Variants in SLC12A8 observed in about 807,000 individuals in gnomAD.
The protein encoded by SLC12A8 is solute carrier family 12 member 8, also known as cation-chloride cotransporter 9.
SLC12A8 carries 69 observed loss-of-function variants against 75.6 expected under a neutral mutation model. The observed-to-expected ratio is 0.91, with a 90% CI of 0.75 to 1.11. SLC12A8 has a LOEUF of 1.11. Ranked by LOEUF, SLC12A8 falls within the 50% of genes most tolerant of loss-of-function variation. SLC12A8 has a pLI of 0.00. For synonymous variants in SLC12A8, 365 were observed against 372.8 expected (o/e 0.98, Z 0.24); for missense variants, 877 against 896.7 (o/e 0.98, Z 0.28).
At position 125,097,739 on chromosome 3, in the gene SLC12A8, G is replaced by A. The variant is rs1938753585; in HGVS notation, c.1706-5541C>T. Among the ~76,000 whole-genome samples, 3 of 152,086 alleles carry A rather than the reference G, an allele frequency of 2.0e-5. No individual in the cohort carries two copies. In the South Asian group the frequency reaches 6.2e-4, roughly 32 times the overall value. On this transcript the variant is annotated intron_variant, in intron 10 of 13. Transcript: ENST00000469902. ...AGACAATTATTCATAATTCTGAATA[G>A]CTAGGGTTTCAAAACTCTTCCAAAG...
intron 5 of SLC12A8, among the ~76,000 whole-genome samples, chr3:125,160,665 A>C (rs2107777363): frequency 6.6e-6 from 1 of 152,306 alleles, no homozygotes; most frequent in South Asian, 2.1e-4. Context: ...CTCAGGATTA[A>C]GACATGGATC....
At chr3:125,197,422 T>A (rs111964726) in intron 2 of SLC12A8, among the ~76,000 whole-genome samples, 19,333 of 152,098 alleles carry the variant, frequency 0.13, 1,493 homozygotes, top group Non-Finnish European at 0.17. Context: ...TTCCTGAGTA[T>A]CTGGGATTAC....
chr3:125,159,423 A>C (rs911237265), intron 5 of SLC12A8, among the ~76,000 whole-genome samples: 1 of 152,130 alleles, frequency 6.6e-6, no homozygotes, highest in Non-Finnish European at 1.5e-5. Context: ...ATATAAATCC[A>C]TAAGAATGGG....
chr3:125,130,774 A>G (rs1579492612), intron 6 of SLC12A8, among the ~76,000 whole-genome samples: 1 of 151,764 alleles, frequency 6.6e-6, no homozygotes, highest in African/African-American at 2.4e-5. Context: ...GGGGAGGCTC[A>G]CCGCCCCCTT....
intron 5 of SLC12A8, among the ~76,000 whole-genome samples, chr3:125,159,951 G>C (rs1385915315): frequency 6.6e-6 from 1 of 152,148 alleles, no homozygotes; most frequent in Non-Finnish European, 1.5e-5. Context: ...CAATGGTACT[G>C]GTAATATTCT....
intron 5 of SLC12A8, among the ~76,000 whole-genome samples, chr3:125,164,121 G>A (rs1038433318): frequency 7.2e-5 from 11 of 152,168 alleles, no homozygotes; most frequent in Non-Finnish European, 1.5e-4. Flanking sequence ...CGGGCCCAGC[G>A]GAGACTGGCA....
rs367643487 is a variant in SLC12A8 at position 125,104,636 on chromosome 3, G to GA, written c.1705+2844dup. On this transcript the variant is annotated intron_variant, in intron 10 of 13. Transcript: ENST00000469902. Reference sequence around the variant, plus strand: ...CTCTCCTTCTTTCTTAGGAAAAAAAGAAAAAACACATAATTTTATGTAAAG... The same window carrying GA: ...CTCTCCTTCTTTCTTAGGAAAAAAAGAAAAAAACACATAATTTTATGTAAAG... Among the ~76,000 whole-genome samples, 6 of 151,982 alleles carry GA rather than the reference G, an allele frequency of 3.9e-5. No individual in the cohort carries two copies. The Middle Eastern group carries it at 0.01, about 258-fold the overall frequency.
At chr3:125,210,970 T>C (rs1407559280) in intron 2 of SLC12A8, among the ~76,000 whole-genome samples, 1 of 151,874 alleles carries the variant, frequency 6.6e-6, no homozygotes, top group Non-Finnish European at 1.5e-5. Context: ...CTTACATTGG[T>C]TTGATTCAGA....
chr3:125,186,201 A>G (rs1419008443), intron 4 of SLC12A8, among the ~76,000 whole-genome samples: 1 of 152,220 alleles, frequency 6.6e-6, no homozygotes, highest in Non-Finnish European at 1.5e-5. Context: ...AATAAAGTAA[A>G]CTGACCATTT....
intron 6 of SLC12A8, among the ~76,000 whole-genome samples, chr3:125,126,150 A>G (rs1933201176): frequency 6.6e-6 from 1 of 152,044 alleles, no homozygotes; most frequent in Non-Finnish European, 1.5e-5. Flanking sequence ...TTGGTCTTCC[A>G]CCCCAGTCCT....
chr3:125,112,979 G>T lies in SLC12A8; in HGVS notation c.913-2644C>A, dbSNP rs57694367. On this transcript the variant is annotated intron_variant, in intron 8 of 13. Coordinates refer to ENST00000469902, the MANE Select transcript of SLC12A8 (RefSeq NM_024628.6). ...TCAAAAAATTCTTTGGGAGAGTCAG[G>T]CATGGCATCTCCTTGCAGAAATTTC... Among the ~76,000 whole-genome samples the T allele has an allele frequency of 1.1e-4, 17 of 152,300 alleles. No homozygotes were observed. In the East Asian group the frequency reaches 1.2e-3, roughly 10 times the overall value.
chr3:125,198,703 G>C (rs1935054878), intron 2 of SLC12A8, among the ~76,000 whole-genome samples: 2 of 152,082 alleles, frequency 1.3e-5, no homozygotes, highest in Non-Finnish European at 2.9e-5. Context: ...CTGGAAGGAG[G>C]TCTTGGGGAG....
At position 125,187,231 on chromosome 3, in the gene SLC12A8, C is replaced by T. The variant is rs970614730; in HGVS notation, c.390+6G>A. On this transcript the variant is annotated splice_donor_region_variant and intron_variant, in intron 4 of 13. Transcript: ENST00000469902. ...GCAGGGGAAGCATCCCGGGCGCAGG[C>T]CTCACCTGTCCAAACACATAGAGCA... 13 of 1,613,084 alleles carry T rather than the reference C, an allele frequency of 8.1e-6. No individual in the cohort carries two copies. In the African/African-American group the frequency reaches 1.3e-4, roughly 17 times the overall value.
chr3:125,097,436 T>C (rs1560050016), intron 10 of SLC12A8, among the ~76,000 whole-genome samples: 1 of 152,064 alleles, frequency 6.6e-6, no homozygotes, highest in Non-Finnish European at 1.5e-5. Context: ...ACTTATATTT[T>C]TGCATCTCTT....
At chr3:125,120,449 C>T in intron 7 of SLC12A8, 150 bp downstream of exon 7, 1 of 711,004 alleles carries the variant, frequency 1.4e-6, no homozygotes, top group Non-Finnish European at 2.5e-6. Context: ...GTGAATTTTC[C>T]AGCCCACCGA....
chr3:125,178,607 C>T (rs898599041), intron 4 of SLC12A8, among the ~76,000 whole-genome samples: 1 of 152,102 alleles, frequency 6.6e-6, no homozygotes, highest in South Asian at 2.1e-4. Flanking sequence ...GGATTTTTTT[C>T]CAGTACAGAT....
intron 8 of SLC12A8, among the ~76,000 whole-genome samples, chr3:125,117,552 C>T (rs1195217712): frequency 1.3e-5 from 2 of 151,964 alleles, no homozygotes; most frequent in East Asian, 1.9e-4. Flanking sequence ...GCCATGTTCA[C>T]GTCACTGTAC....
intron 2 of SLC12A8, among the ~76,000 whole-genome samples, chr3:125,198,179 A>G (rs1339947219): frequency 2.0e-5 from 3 of 151,736 alleles, no homozygotes; most frequent in South Asian, 4.2e-4. Context: ...ATCATCCCCA[A>G]TTCTGCCTAT....
At chr3:125,167,545 G>C (rs1054242946) in intron 5 of SLC12A8, among the ~76,000 whole-genome samples, 1 of 152,252 alleles carries the variant, frequency 6.6e-6, no homozygotes, top group South Asian at 2.1e-4. Flanking sequence ...GGATCTCCAC[G>C]GGCCTTGGGC....
Sources: allele counts gnomAD v4.1 joint callset (sites outside exome capture counted in the v4.1 genomes callset), GRCh38; gene constraint gnomAD v4.1.1; transcripts MANE v1.5; gene names NCBI Gene and HGNC (gene_info 2026-07-23, HGNC 2026-07-21).